The following HS3ST2 variants were observed in gnomAD, a reference collection of about 807,000 sequenced individuals.
The protein encoded by HS3ST2 is heparan sulfate-glucosamine 3-sulfotransferase 2, also known as heparan sulfate glucosamine 3-O-sulfotransferase 2.
A neutral mutation model predicts 26.3 loss-of-function variants in HS3ST2; 17 were observed. The observed-to-expected ratio is 0.65, with a 90% CI of 0.44 to 0.97. The LOEUF (loss-of-function observed/expected upper bound fraction) is 0.97. Ranked by LOEUF, HS3ST2 falls within the 50% of genes least tolerant of loss-of-function variation. The pLI is 0.00. For synonymous variants in HS3ST2, 237 were observed against 219.2 expected, an observed-to-expected ratio of 1.08 and a Z score of -0.72; for missense variants, 402 against 501.2, an observed-to-expected ratio of 0.80 and a Z score of 1.89.
chr16:22,823,003 C>T (rs1354848448), intron 1 of HS3ST2, among the ~76,000 whole-genome samples: 2 of 152,162 alleles, frequency 1.3e-5, no homozygotes, highest in Non-Finnish European at 2.9e-5. Context: ...ACCATAGGTA[C>T]CTGTTTTTGT....
Position 22,888,113 on chromosome 16 carries a change from C to T in HS3ST2, c.486-26831C>T, listed in dbSNP as rs188490246. ...GTGGTAACTGGCTTAACAGCACCCTCTTTATTGGCTTCCTTTCTGACCTAC... is the reference window on the plus strand; with the variant it reads ...GTGGTAACTGGCTTAACAGCACCCTTTTTATTGGCTTCCTTTCTGACCTAC... On this transcript the variant is annotated intron_variant, in intron 1 of 1. Coordinates refer to ENST00000261374, the MANE Select transcript of HS3ST2 (RefSeq NM_006043.2). Among the ~76,000 whole-genome samples, 214 of 152,372 alleles carry T rather than the reference C, an allele frequency of 1.4e-3. 1 individual carries two copies. The highest frequency in any genetic ancestry group is 4.1e-3 in the African/African-American group (171 of 41,590).
intron 1 of HS3ST2, among the ~76,000 whole-genome samples, chr16:22,886,265 G>A (rs530617708): frequency 1.9e-4 from 29 of 152,292 alleles, no homozygotes; most frequent in African/African-American, 7.0e-4. Context: ...TTGAAATATA[G>A]CTTTTTGTTT....
At position 22,822,680 on chromosome 16, in the gene HS3ST2, C is replaced by T. The variant is rs540743635; in HGVS notation, c.485+7585C>T. ...ACCAGCCTGGCCAACATGGTGAAAC[C>T]CCATCTCTACTAAAAATACAAAAAA... On this transcript the variant is annotated intron_variant, in intron 1 of 1. Coordinates refer to ENST00000261374, the MANE Select transcript of HS3ST2 (RefSeq NM_006043.2). 4.0e-4 allele frequency among the ~76,000 whole-genome samples: 61 copies of T among 151,926 alleles called. No homozygotes were observed. The South Asian group carries it at 0.012, about 29-fold the overall frequency.
intron 1 of HS3ST2, among the ~76,000 whole-genome samples, chr16:22,913,451 C>G (rs983313295): frequency 5.9e-5 from 9 of 152,120 alleles, no homozygotes; most frequent in Non-Finnish European, 8.8e-5. Flanking sequence ...AGGTCCCAAG[C>G]AGCCTGGAGT....
chr16:22,899,611 G>T (rs1596630844), intron 1 of HS3ST2, among the ~76,000 whole-genome samples: 2 of 152,144 alleles, frequency 1.3e-5, no homozygotes. Context: ...CCCAAGACTG[G>T]GTAATCTGTA....
intron 1 of HS3ST2, among the ~76,000 whole-genome samples, chr16:22,833,678 T>C (rs1405290100): frequency 2.6e-5 from 4 of 152,202 alleles, no homozygotes; most frequent in African/African-American, 9.6e-5. Flanking sequence ...TCAGTTTTAG[T>C]TATTTATATT....
chr16:22,868,222 A>G (rs772088132), intron 1 of HS3ST2, among the ~76,000 whole-genome samples: 4 of 152,074 alleles, frequency 2.6e-5, no homozygotes, highest in African/African-American at 7.2e-5. Flanking sequence ...CCTGGTGGCC[A>G]ACATGGTGAA....
At chr16:22,893,422 A>G (rs1310247807) in intron 1 of HS3ST2, among the ~76,000 whole-genome samples, 1 of 152,210 alleles carries the variant, frequency 6.6e-6, no homozygotes, top group Non-Finnish European at 1.5e-5. Context: ...TCTGTTTCAC[A>G]TTAAAGATGC....
chr16:22,895,235 A>C (rs900823138), intron 1 of HS3ST2, among the ~76,000 whole-genome samples: 3 of 151,868 alleles, frequency 2.0e-5, no homozygotes, highest in African/African-American at 7.3e-5. Flanking sequence ...GATTACAGGC[A>C]CCTGCCACCA....
chr16:22,822,591 C>T (rs1200165743), intron 1 of HS3ST2, among the ~76,000 whole-genome samples: 4 of 152,114 alleles, frequency 2.6e-5, no homozygotes, highest in African/African-American at 2.4e-5. Context: ...CAGTGGCTGA[C>T]GCCTGTAATC....
rs183535417 is a variant in HS3ST2, at chr16:22,907,831, G to A, written c.486-7113G>A. Among the ~76,000 whole-genome samples, 462 of 152,236 alleles carry A rather than the reference G, an allele frequency of 3.0e-3. 2 individuals are homozygous for A. The highest frequency in any genetic ancestry group is 4.9e-3 in the Non-Finnish European group (333 of 68,012). ...GGGGAAGGAATGAGGTCATCCAGGA[G>A]GATCACATAGAATGACAGAAGTGGG... On this transcript the variant is annotated intron_variant, in intron 1 of 1. Coordinates refer to ENST00000261374, the MANE Select transcript of HS3ST2 (RefSeq NM_006043.2).
At chr16:22,911,103 A>G (rs1442206456) in intron 1 of HS3ST2, among the ~76,000 whole-genome samples, 3 of 152,230 alleles carry the variant, frequency 2.0e-5, no homozygotes, top group Non-Finnish European at 4.4e-5. Context: ...ACTGAGCAGT[A>G]CTGAGGGTTC....
At position 22,915,534 on chromosome 16, in the gene HS3ST2, C is replaced by T. The variant is rs991967569; in HGVS notation, c.1076C>T (p.Thr359Ile). Reference sequence around the variant, plus strand: ...CCGTATAATATCAAATTTTATGAAACCGTTGGGCAGGACTTCAGGTGGGAA... The same window carrying T: ...CCGTATAATATCAAATTTTATGAAATCGTTGGGCAGGACTTCAGGTGGGAA... ...YRPYNIKFYETVGQDFRWE is the reference protein window; with the variant it reads ...YRPYNIKFYEIVGQDFRWE The change falls in exon 2 of 2, where the codon ACC (threonine) becomes ATC (isoleucine). Residue 359 changes from threonine to isoleucine, a missense_variant. Transcript: ENST00000261374. 1 of 1,613,434 alleles carries T rather than the reference C, an allele frequency of 6.2e-7. No homozygotes were observed. Among genetic ancestry groups the T allele is most frequent in the Non-Finnish European group, 8.5e-7 (1 of 1,179,630 alleles).
intron 1 of HS3ST2, among the ~76,000 whole-genome samples, chr16:22,899,403 T>G (rs1392170491): frequency 6.6e-6 from 1 of 152,148 alleles, no homozygotes; most frequent in East Asian, 1.9e-4. Context: ...GTTTCTATAT[T>G]CTCTGTGGAA....
intron 1 of HS3ST2, among the ~76,000 whole-genome samples, chr16:22,869,601 A>C (rs2283532): frequency 0.1 from 15,214 of 152,212 alleles, 1,404 homozygotes; most frequent in East Asian, 0.44. Context: ...CAGCAGGCAA[A>C]AAGAGAGCTT....
At chr16:22,869,799 C>CA (rs1901807689) in intron 1 of HS3ST2, among the ~76,000 whole-genome samples, 1 of 152,110 alleles carries the variant, frequency 6.6e-6, no homozygotes, top group Non-Finnish European at 1.5e-5. Context: ...CAAACCATAT[C>CA]AAAAACCTAA....
At chr16:22,862,521 G>A (rs187380482) in intron 1 of HS3ST2, among the ~76,000 whole-genome samples, 2,150 of 152,200 alleles carry the variant, frequency 0.014, 22 homozygotes, top group Non-Finnish European at 0.023. Context: ...AGCTTCACCC[G>A]CCCTGGACTA....
intron 1 of HS3ST2, among the ~76,000 whole-genome samples, chr16:22,908,845 A>G (rs570216630): frequency 1.3e-5 from 2 of 152,330 alleles, no homozygotes; most frequent in East Asian, 3.9e-4. Context: ...GAGGGGACAA[A>G]TATTCAAACG....
At chr16:22,851,519 C>G (rs1354724199) in intron 1 of HS3ST2, among the ~76,000 whole-genome samples, 1 of 152,192 alleles carries the variant, frequency 6.6e-6, no homozygotes, top group Admixed American at 6.5e-5. Flanking sequence ...TGTCTCCTCA[C>G]TGGAGTGGTA....
Sources: allele counts gnomAD v4.1 joint callset (sites outside exome capture counted in the v4.1 genomes callset), GRCh38; gene constraint gnomAD v4.1.1; transcripts MANE v1.5; gene names NCBI Gene and HGNC (gene_info 2026-07-23, HGNC 2026-07-21).